TCF4: variants seen among roughly 807,000 people sequenced by gnomAD.
The protein encoded by TCF4 is SL3-3 enhancer factor 2.
A neutral mutation model predicts 82.1 loss-of-function variants in TCF4; 3 were observed. That is an observed-to-expected ratio of 0.04 (90% CI 0.02 to 0.09). The LOEUF (loss-of-function observed/expected upper bound fraction) is 0.09. Among genes scored for constraint, TCF4 ranks in the 10% least tolerant of loss-of-function variants. The pLI, the probability that TCF4 is intolerant of heterozygous loss-of-function variation, is 1.00. For synonymous variants in TCF4, 276 were observed against 309.6 expected (o/e 0.89, Z 1.14); for missense variants, 518 against 852.7 (o/e 0.61, Z 4.89).
At chr18:55,515,877 A>G (rs992197393) in intron 3 of TCF4, among the ~76,000 whole-genome samples, 1 of 152,194 alleles carries the variant, frequency 6.6e-6, no homozygotes, top group Non-Finnish European at 1.5e-5. Flanking sequence ...GATAGGAGAA[A>G]TGAGCATATT....
intron 2 of TCF4, among the ~76,000 whole-genome samples, chr18:55,586,574 AAGGAACAGGT>A (rs372390439): frequency 1.3e-5 from 2 of 152,378 alleles, no homozygotes; most frequent in East Asian, 3.9e-4. Flanking sequence ...GGTAAGATGT[AAGGAACAGGT>A]CCTACCAATC....
At chr18:55,554,986 T>C (rs2097292085) in intron 3 of TCF4, among the ~76,000 whole-genome samples, 1 of 152,212 alleles carries the variant, frequency 6.6e-6, no homozygotes, top group Non-Finnish European at 1.5e-5. Flanking sequence ...AAAAAATACT[T>C]TGGCTTGATA....
intron 6 of TCF4, among the ~76,000 whole-genome samples, chr18:55,371,657 A>G (rs1477157104): frequency 6.6e-6 from 1 of 151,974 alleles, no homozygotes; most frequent in Non-Finnish European, 1.5e-5. Flanking sequence ...TTAATCAATG[A>G]CAACACTTCC....
intron 6 of TCF4, among the ~76,000 whole-genome samples, chr18:55,372,520 T>G (rs891781280): frequency 6.6e-6 from 1 of 152,058 alleles, no homozygotes; most frequent in African/African-American, 2.4e-5. Flanking sequence ...AAATTTTATA[T>G]GTAGCCAAAC....
At chr18:55,588,479 C>A (rs1880560281), upstream of TCF4, 3 of 1,535,090 alleles carry the variant, frequency 2.0e-6, no homozygotes, top group Middle Eastern at 1.7e-4. Flanking sequence ...CCTCATTTTT[C>A]CTCAGATCGT....
Position 55,460,114 on chromosome 18 carries a change from G to A in TCF4, c.304+905C>T, listed in dbSNP as rs374217484. 7.3e-4 allele frequency among the ~76,000 whole-genome samples: 111 copies of A among 152,192 alleles called. 1 individual carries two copies. Among genetic ancestry groups the A allele is most frequent in the African/African-American group, 2.5e-3 (105 of 41,530 alleles). On this transcript the variant is annotated intron_variant, in intron 5 of 19. Coordinates refer to ENST00000354452, the MANE Select transcript of TCF4 (RefSeq NM_001083962.2). ...ATGGTCTCAGAAAAATATAATCATC[G>A]CTGTGTGTGTTTCCTTGGAGTGTTG...
intron 6 of TCF4, among the ~76,000 whole-genome samples, chr18:55,391,928 A>C (rs1358206332): frequency 7.4e-6 from 1 of 134,790 alleles, no homozygotes; most frequent in Non-Finnish European, 1.6e-5. Context: ...ACAGAGTGAG[A>C]CTTCATCTAA....
chr18:55,523,751 T>C (rs903087288), intron 3 of TCF4, among the ~76,000 whole-genome samples: 1 of 152,078 alleles, frequency 6.6e-6, no homozygotes, highest in African/African-American at 2.4e-5. Flanking sequence ...TGACTTTCCC[T>C]TTTTATTTTT....
intron 17 of TCF4, chr18:55,229,296 C>T (rs2047199402): frequency 1.7e-6 from 1 of 587,414 alleles, no homozygotes; most frequent in Admixed American, 2.5e-5. Context: ...TAAACCCAAA[C>T]CAAACAGGTG....
At chr18:55,413,271 C>T (rs975115449) in intron 5 of TCF4, among the ~76,000 whole-genome samples, 28 of 152,058 alleles carry the variant, frequency 1.8e-4, no homozygotes, top group Non-Finnish European at 4.4e-5. Context: ...ATTAAATGAT[C>T]ATTTCTCTAG....
At chr18:55,304,398 TA>T (rs2069471055) in intron 8 of TCF4, among the ~76,000 whole-genome samples, 1 of 152,168 alleles carries the variant, frequency 6.6e-6, no homozygotes, top group African/African-American at 2.4e-5. Flanking sequence ...CAGAAGCATT[TA>T]AAAAGTGCCT....
At chr18:55,377,982 T>A (rs1049459347) in intron 6 of TCF4, among the ~76,000 whole-genome samples, 2 of 152,228 alleles carry the variant, frequency 1.3e-5, no homozygotes, top group Non-Finnish European at 2.9e-5. Context: ...TGTAACTTTT[T>A]ATTAATGTTA....
chr18:55,434,205 C>T (rs2095271145), intron 5 of TCF4, among the ~76,000 whole-genome samples: 1 of 151,638 alleles, frequency 6.6e-6, no homozygotes, highest in Admixed American at 6.6e-5. Context: ...TTAATTCTGC[C>T]AAAAAAAGTG....
chr18:55,589,567 T>A (rs2097679591), upstream of TCF4: 2 of 1,040,514 alleles, frequency 1.9e-6, no homozygotes, highest in African/African-American at 3.3e-5. Flanking sequence ...TCTTATTGTT[T>A]ATAAAAAAAA....
At chr18:55,571,995 T>TTTAGTACCTA (rs1355426054) in intron 3 of TCF4, among the ~76,000 whole-genome samples, 2 of 152,156 alleles carry the variant, frequency 1.3e-5, no homozygotes, top group African/African-American at 4.8e-5. Flanking sequence ...CCCTGGATGC[T>TTTAGTACCTA]GAGAGGTACT....
intron 3 of TCF4, among the ~76,000 whole-genome samples, chr18:55,503,376 A>AT (rs1167582053): frequency 3.3e-5 from 5 of 152,192 alleles, no homozygotes; most frequent in Non-Finnish European, 7.3e-5. Context: ...CATCATCATC[A>AT]TCATCACTAG....
At chr18:55,603,561 A>C (rs938978991) in intron 2 of TCF4, among the ~76,000 whole-genome samples, 6 of 152,192 alleles carry the variant, frequency 3.9e-5, no homozygotes, top group African/African-American at 1.4e-4. Flanking sequence ...ATTTCTGTGC[A>C]TACTTCTAAG....
chr18:55,577,348 AAAC>A, intron 3 of TCF4, among the ~76,000 whole-genome samples: 1 of 151,096 alleles, frequency 6.6e-6, no homozygotes, highest in East Asian at 1.9e-4. Flanking sequence ...AGCTAGATGC[AAAC>A]AACATCCCAT....
intron 6 of TCF4, among the ~76,000 whole-genome samples, chr18:55,365,156 AAT>A (rs139574594): frequency 0.044 from 3,632 of 83,398 alleles, 98 homozygotes; most frequent in African/African-American, 0.075. Flanking sequence ...CCATCTCCAA[AAT>A]ATATATATAT....
Sources: gnomAD v4.1 joint callset for allele counts (sites outside exome capture counted in the v4.1 genomes callset) on GRCh38, gnomAD v4.1.1 for gene constraint, MANE v1.5 for transcripts, NCBI Gene and HGNC (gene_info 2026-07-23, HGNC 2026-07-21) for gene names.